The following TEAD4 variants were observed in gnomAD, a reference collection of about 807,000 sequenced individuals.
TEAD4 encodes the protein TEA domain transcription factor 4, also known as transcriptional enhancer factor TEF-3.
TEAD4 carries 36 observed loss-of-function variants against 52.4 expected under a neutral mutation model. That is an observed-to-expected ratio of 0.69 (90% CI 0.53 to 0.91). The LOEUF (loss-of-function observed/expected upper bound fraction) is 0.91. Among genes scored for constraint, TEAD4 ranks in the 40% least tolerant of loss-of-function variants. The pLI is 0.00. For missense variants in TEAD4, 508 were observed against 583.9 expected (o/e 0.87, Z 1.34); for synonymous variants, 220 against 231.0 (o/e 0.95, Z 0.43).
intron 2 of TEAD4, among the ~76,000 whole-genome samples, chr12:2,970,767 C>T (rs997731449): frequency 6.6e-6 from 1 of 152,206 alleles, no homozygotes; most frequent in African/African-American, 2.4e-5. Flanking sequence ...GCAGGTGCAT[C>T]CTGAGCATCT....
intron 3 of TEAD4, among the ~76,000 whole-genome samples, chr12:3,001,749 C>T (rs2098251851): frequency 6.6e-6 from 1 of 151,410 alleles, no homozygotes; most frequent in Non-Finnish European, 1.5e-5. Flanking sequence ...TGCACTCCAG[C>T]CTGGGCAACA....
At chr12:2,966,409 TTTTC>T (rs941510743) in intron 2 of TEAD4, among the ~76,000 whole-genome samples, 10 of 145,962 alleles carry the variant, frequency 6.9e-5, no homozygotes, top group South Asian at 4.2e-4. Context: ...TCTCATTTCT[TTTTC>T]TTTCTTTTTT....
rs908953459 is a variant in TEAD4, at chr12:2,959,906, CG to C, written c.-122-40del. The C allele has an allele frequency of 6.6e-6, 1 of 152,010 alleles. No homozygotes were observed. Among genetic ancestry groups the C allele is most frequent in the African/African-American group, 2.4e-5 (1 of 41,426 alleles). The allele number at this position is 152,010 out of a possible 1,614,324, so 9.4% of individuals were successfully genotyped here. On this transcript the variant is annotated intron_variant, in intron 1 of 12. Transcript: ENST00000359864. This position sits in a 1 kb window ranked among gnomAD's most constrained non-coding sequence, Gnocchi z 5.1. ...CACTGCGCCGCCCGTCGGCCCCGGC[CG>C]GAGCCCGGCTCTGCGCGCTGACGCC...
At chr12:3,010,549 G>A (rs1027828764) in intron 3 of TEAD4, among the ~76,000 whole-genome samples, 9 of 152,214 alleles carry the variant, frequency 5.9e-5, no homozygotes, top group African/African-American at 2.2e-4. Context: ...CAAGAAGTCT[G>A]GACGCTTCTA....
intron 3 of TEAD4, among the ~76,000 whole-genome samples, chr12:3,009,451 TAAAG>T (rs975541738): frequency 5.3e-5 from 8 of 150,322 alleles, no homozygotes; most frequent in African/African-American, 7.5e-5. Context: ...AAAATAAAAA[TAAAG>T]AAGAAGAGAA....
chr12:3,023,689 G>T, intron 10 of TEAD4, among the ~76,000 whole-genome samples: 1 of 151,552 alleles, frequency 6.6e-6, no homozygotes, highest in East Asian at 1.9e-4. Flanking sequence ...TACTCAAGAG[G>T]CTGAGGCAGG....
intron 10 of TEAD4, among the ~76,000 whole-genome samples, chr12:3,033,056 C>T (rs780186894): frequency 9.2e-5 from 14 of 152,198 alleles, no homozygotes; most frequent in Non-Finnish European, 1.6e-4. Flanking sequence ...TCGCCTCTCC[C>T]GGAGCCTTTC....
In TEAD4 at chr12:3,020,714, T is replaced by C. The variant is rs1480094508; in HGVS notation, c.664T>C (p.Ser222Pro). The C allele has an allele frequency of 3.7e-6, 6 of 1,609,404 alleles. No individual in the cohort carries two copies. Among genetic ancestry groups the C allele is most frequent in the South Asian group, 1.1e-5 (1 of 89,874 alleles). The change falls in exon 9 of 13, where the codon TCC (serine) becomes CCC (proline). Residue 222 changes from serine to proline, a missense_variant. Ser to Pro is a moderately conservative substitution (Grantham distance 74, BLOSUM62 -1). Coordinates refer to ENST00000359864, the MANE Select transcript of TEAD4 (RefSeq NM_003213.4). ...ATGGCAGGGCCGCAGCGTGGCCAGC[T>C]CCAAGCTCTGGATGTTGGAGTTCTC...
intron 10 of TEAD4, among the ~76,000 whole-genome samples, chr12:3,030,159 C>G (rs1005932604): frequency 6.6e-6 from 1 of 152,158 alleles, no homozygotes; most frequent in Admixed American, 6.6e-5. Context: ...GATGGTCACC[C>G]TTTGGTCCTC....
chr12:2,997,140 A>C (rs2098247901), intron 3 of TEAD4, among the ~76,000 whole-genome samples: 1 of 152,094 alleles, frequency 6.6e-6, no homozygotes, highest in Non-Finnish European at 1.5e-5. Flanking sequence ...CATGCCTTCC[A>C]TTGTGAATGT....
At chr12:2,988,168 A>G (rs1219174515) in intron 2 of TEAD4, among the ~76,000 whole-genome samples, 1 of 152,156 alleles carries the variant, frequency 6.6e-6, no homozygotes, top group East Asian at 1.9e-4. Flanking sequence ...TTGTTTTCCC[A>G]TTCATGAACA....
intron 2 of TEAD4, among the ~76,000 whole-genome samples, chr12:2,962,792 A>C (rs1310989536): frequency 6.6e-6 from 1 of 152,170 alleles, no homozygotes; most frequent in Non-Finnish European, 1.5e-5. Flanking sequence ...AAGATGGGGA[A>C]ACTGATGCTC....
intron 2 of TEAD4, among the ~76,000 whole-genome samples, chr12:2,966,788 C>T (rs1035065863): frequency 2.6e-5 from 4 of 151,966 alleles, no homozygotes; most frequent in Non-Finnish European, 4.4e-5. Context: ...CTCACTGCAA[C>T]CTCCGCCTCC....
intron 10 of TEAD4, among the ~76,000 whole-genome samples, chr12:3,031,026 G>A (rs1400711771): frequency 1.3e-5 from 2 of 152,174 alleles, no homozygotes; most frequent in African/African-American, 2.4e-5. Context: ...TGAGGACCTC[G>A]GCCGAGAGGC....
intron 10 of TEAD4, among the ~76,000 whole-genome samples, chr12:3,030,848 A>G (rs1177467745): frequency 1.3e-5 from 2 of 152,170 alleles, no homozygotes; most frequent in Non-Finnish European, 2.9e-5. Context: ...GTGCGTAGCC[A>G]GGGAAATATT....
At chr12:2,973,445 A>G in intron 2 of TEAD4, among the ~76,000 whole-genome samples, 1 of 152,106 alleles carries the variant, frequency 6.6e-6, no homozygotes, top group Non-Finnish European at 1.5e-5. Flanking sequence ...GTTTGGAGGA[A>G]ATTAGTTTAT....
intron 2 of TEAD4, among the ~76,000 whole-genome samples, chr12:2,973,365 G>A (rs1456108887): frequency 1.3e-5 from 2 of 152,222 alleles, no homozygotes; most frequent in Non-Finnish European, 2.9e-5. Context: ...CCCAGCTGTT[G>A]TTCTGAGAGT....
At chr12:3,015,123 A>T (rs1048213369) in intron 5 of TEAD4, among the ~76,000 whole-genome samples, 11 of 152,108 alleles carry the variant, frequency 7.2e-5, no homozygotes, top group Non-Finnish European at 1.6e-4. Context: ...GAGGGGGCCA[A>T]GGGGGGCCAG....
chr12:3,007,739 T>C (rs1207238460), intron 3 of TEAD4, among the ~76,000 whole-genome samples: 1 of 152,230 alleles, frequency 6.6e-6, no homozygotes, highest in Non-Finnish European at 1.5e-5. Flanking sequence ...TTTGTATTTT[T>C]AAAATTCTTT....
Sources: gnomAD v4.1 joint callset for allele counts (sites outside exome capture counted in the v4.1 genomes callset) on GRCh38, gnomAD v4.1.1 for gene constraint, Gnocchi (gnomAD v3.1) non-coding constraint, MANE v1.5 for transcripts, NCBI Gene and HGNC (gene_info 2026-07-23, HGNC 2026-07-21) for gene names.